The following ZNF521 variants were observed in gnomAD, a reference collection of about 807,000 sequenced individuals.
ZNF521 encodes zinc finger protein 521.
A neutral mutation model predicts 105.5 loss-of-function variants in ZNF521; 14 were observed. That is an observed-to-expected ratio of 0.13 (90% CI 0.09 to 0.21). The LOEUF is 0.21. Among genes scored for constraint, ZNF521 ranks in the 10% least tolerant of loss-of-function variants. The pLI is 1.00. For missense variants in ZNF521, 1,233 were observed against 1,629.7 expected (o/e 0.76, Z 4.19); for synonymous variants, 635 against 606.0 (o/e 1.05, Z -0.70).
chr18:25,083,931 ATTTTTTTTTTTT>A (rs56364504), intron 7 of ZNF521, among the ~76,000 whole-genome samples: 3,525 of 58,078 alleles, frequency 0.061, 121 homozygotes, highest in Middle Eastern at 0.35. Context: ...AACCTGGGTA[ATTTTTTTTTTTT>A]TTTTTTTTTT....
At chr18:25,107,149 A>C (rs1277438144) in intron 5 of ZNF521, among the ~76,000 whole-genome samples, 1 of 152,242 alleles carries the variant, frequency 6.6e-6, no homozygotes, top group Admixed American at 6.5e-5. Flanking sequence ...TGCCTTCGTC[A>C]AATCATCTAT....
At chr18:25,155,890 A>AT (rs1173739755) in intron 5 of ZNF521, among the ~76,000 whole-genome samples, 2 of 152,190 alleles carry the variant, frequency 1.3e-5, no homozygotes, top group African/African-American at 4.8e-5. Flanking sequence ...AAAAAGAAAA[A>AT]TATTGAATAT....
intron 7 of ZNF521, among the ~76,000 whole-genome samples, chr18:25,072,129 A>C (rs1351488226): frequency 6.6e-6 from 1 of 152,214 alleles, no homozygotes; most frequent in African/African-American, 2.4e-5. Flanking sequence ...TGCAATATCA[A>C]ACGAGCTGGA....
intron 3 of ZNF521, among the ~76,000 whole-genome samples, chr18:25,234,128 T>G (rs909945881): frequency 6.6e-6 from 1 of 152,160 alleles, no homozygotes; most frequent in African/African-American, 2.4e-5. Flanking sequence ...GAGAATTGCT[T>G]TTCTTTTTCT....
At chr18:25,345,371 T>C (rs1479762420) in intron 2 of ZNF521, 1 of 152,246 alleles carries the variant, frequency 6.6e-6, no homozygotes, top group Non-Finnish European at 1.5e-5. Flanking sequence ...AAAGAAAAAT[T>C]ATTAACAGCT....
chr18:25,296,643 A>G (rs1227984817), intron 3 of ZNF521, among the ~76,000 whole-genome samples: 1 of 152,116 alleles, frequency 6.6e-6, no homozygotes, highest in Non-Finnish European at 1.5e-5. Flanking sequence ...TACACATCTA[A>G]CTTTCTTTCT....
intron 3 of ZNF521, among the ~76,000 whole-genome samples, chr18:25,275,763 AG>A: frequency 6.6e-6 from 1 of 152,204 alleles, no homozygotes; most frequent in Non-Finnish European, 1.5e-5. Flanking sequence ...TAGACTGACC[AG>A]GATTGCCTAC....
At chr18:25,121,273 CTTTTTTT>C (rs55714696) in intron 5 of ZNF521, among the ~76,000 whole-genome samples, 2 of 126,226 alleles carry the variant, frequency 1.6e-5, no homozygotes, top group South Asian at 5.4e-4. Context: ...CTTCTTCTTC[CTTTTTTT>C]TTTTTTTTTT....
In ZNF521 at chr18:25,138,397, C is replaced by A. The variant is rs538485326; in HGVS notation, c.3659-46316G>T. Among the ~76,000 whole-genome samples the A allele has an allele frequency of 4.6e-5, 7 of 151,964 alleles. No homozygotes were observed. The South Asian group carries it at 1.5e-3, about 32-fold the overall frequency. On this transcript the variant is annotated intron_variant, in intron 5 of 7. Transcript: ENST00000361524. Reference sequence around the variant, plus strand: ...TTTTATAGGTACAATTTGTACCTATCTTTCCATAGATGAGAGAGGTGGCAC... The same window carrying A: ...TTTTATAGGTACAATTTGTACCTATATTTCCATAGATGAGAGAGGTGGCAC...
intron 3 of ZNF521, among the ~76,000 whole-genome samples, chr18:25,310,610 T>C (rs1389494821): frequency 6.6e-6 from 1 of 152,134 alleles, no homozygotes; most frequent in Non-Finnish European, 1.5e-5. Flanking sequence ...ATTAATAGAA[T>C]ATTGTTGTGT....
chr18:25,292,455 G>A (rs929061417), intron 3 of ZNF521, among the ~76,000 whole-genome samples: 2 of 152,052 alleles, frequency 1.3e-5, no homozygotes, highest in Non-Finnish European at 2.9e-5. Flanking sequence ...TCTCAACACT[G>A]GTATTTTTAA....
In ZNF521 at chr18:25,227,877, T is replaced by C. The variant is rs1261653739; in HGVS notation, c.221-180A>G. On this transcript the variant is annotated intron_variant, in intron 3 of 7. Coordinates refer to ENST00000361524, the MANE Select transcript of ZNF521 (RefSeq NM_015461.3). This position sits in a 1 kb window ranked among gnomAD's most constrained non-coding sequence, Gnocchi z 5.7. ...AAATCTGAGCCCAAAGCAGTTATTC[T>C]GCATTTACTTTTTGTTGAGTTGTAA... 6.6e-6 allele frequency among the ~76,000 whole-genome samples: 1 copy of C among 152,262 alleles called. No homozygotes were observed. The highest frequency in any genetic ancestry group is 2.4e-5 in the African/African-American group (1 of 41,464).
chr18:25,074,105 C>T (rs981953523), intron 7 of ZNF521, among the ~76,000 whole-genome samples: 16 of 152,194 alleles, frequency 1.1e-4, no homozygotes, highest in African/African-American at 3.9e-4. Context: ...CGGGAATATG[C>T]CTGTGCGCAT....
chr18:25,100,809 A>G (rs1259071590), intron 5 of ZNF521, among the ~76,000 whole-genome samples: 2 of 152,220 alleles, frequency 1.3e-5, no homozygotes, highest in African/African-American at 4.8e-5. Context: ...TTGCCTGTGC[A>G]TTATTAAAGT....
At chr18:25,218,585 G>A (rs935316746) in intron 4 of ZNF521, among the ~76,000 whole-genome samples, 71 of 151,020 alleles carry the variant, frequency 4.7e-4, no homozygotes, top group African/African-American at 1.7e-3. Context: ...TCAGGAGGTT[G>A]AGGCTGCAGT....
chr18:25,177,991 TAA>T (rs2035563482), intron 5 of ZNF521, among the ~76,000 whole-genome samples: 1 of 152,186 alleles, frequency 6.6e-6, no homozygotes, highest in Non-Finnish European at 1.5e-5. Flanking sequence ...AGTATTAACA[TAA>T]AAGAGTGTTC....
intron 3 of ZNF521, among the ~76,000 whole-genome samples, chr18:25,250,867 A>G (rs993139335): frequency 2.6e-5 from 4 of 152,248 alleles, no homozygotes; most frequent in Non-Finnish European, 4.4e-5. Flanking sequence ...TGAGGGTAAG[A>G]GATTCTTAAG....
chr18:25,120,259 A>G lies in ZNF521; in HGVS notation c.3659-28178T>C, dbSNP rs2034407188. Among the ~76,000 whole-genome samples, 3 of 152,194 alleles carry G rather than the reference A, an allele frequency of 2.0e-5. No individual in the cohort carries two copies. In the South Asian group the frequency reaches 6.2e-4, roughly 31 times the overall value. ...CTCTTATGAGGTCAGCATAACCTTAATATCAACCCCTTAAACAGATTTTAT... is the reference window on the plus strand; with the variant it reads ...CTCTTATGAGGTCAGCATAACCTTAGTATCAACCCCTTAAACAGATTTTAT... On this transcript the variant is annotated intron_variant, in intron 5 of 7. Coordinates refer to ENST00000361524, the MANE Select transcript of ZNF521 (RefSeq NM_015461.3).
intron 3 of ZNF521, among the ~76,000 whole-genome samples, chr18:25,280,454 T>C (rs1366537890): frequency 1.3e-5 from 2 of 151,890 alleles, no homozygotes; most frequent in Non-Finnish European, 1.5e-5. Flanking sequence ...TTCTTTCTAA[T>C]GTCTCTTTGT....
Sources: allele counts gnomAD v4.1 joint callset (sites outside exome capture counted in the v4.1 genomes callset), GRCh38; gene constraint gnomAD v4.1.1; non-coding constraint Gnocchi (gnomAD v3.1); transcripts MANE v1.5; gene names NCBI Gene and HGNC (gene_info 2026-07-23, HGNC 2026-07-21).